Variants in MEGF6 observed in about 807,000 individuals in gnomAD.
MEGF6 encodes the protein multiple EGF like domains 6, also known as multiple epidermal growth factor-like domains protein 6.
In MEGF6, 184 loss-of-function variants were observed where a neutral mutation model predicts 207.1. The ratio of observed to expected loss-of-function variants is 0.89; its 90% CI spans 0.79 to 1.00. The LOEUF is 1.00. MEGF6 is among the 50% of genes least tolerant of loss of function. MEGF6 has a pLI of 0.00. For missense variants in MEGF6, 2,282 were observed against 2,202.9 expected (o/e 1.04, Z -0.72); for synonymous variants, 1,038 against 910.0 (o/e 1.14, Z -2.53).
intron 4 of MEGF6, among the ~76,000 whole-genome samples, chr1:3,526,206 G>A (rs867883881): frequency 6.6e-6 from 1 of 152,190 alleles, no homozygotes; most frequent in African/African-American, 2.4e-5. Context: ...CTTTGGAAGT[G>A]CCAGTAGTGC....
At chr1:3,526,352 C>T (rs1641962429) in intron 4 of MEGF6, among the ~76,000 whole-genome samples, 1 of 152,216 alleles carries the variant, frequency 6.6e-6, no homozygotes, top group African/African-American at 2.4e-5. Flanking sequence ...TGGGCATTGC[C>T]CCAGCCACCG....
At chr1:3,589,672 G>GT (rs1184131489) in intron 3 of MEGF6, among the ~76,000 whole-genome samples, 1 of 152,240 alleles carries the variant, frequency 6.6e-6, no homozygotes, top group Non-Finnish European at 1.5e-5. Flanking sequence ...GCAGGTGCAG[G>GT]TTTCTGCTCA....
At position 3,560,706 on chromosome 1, in the gene MEGF6, A is replaced by G. The variant is rs779030122; in HGVS notation, c.481+19119T>C. 5.5e-5 allele frequency: 25 copies of G among 456,318 alleles called. No homozygotes were observed. The highest frequency in any genetic ancestry group is 4.7e-4 in the African/African-American group (23 of 49,178). The allele number at this position is 456,318 out of a possible 1,614,324, so 28.3% of individuals were successfully genotyped here. On this transcript the variant is annotated intron_variant, in intron 4 of 36. Coordinates refer to ENST00000356575, the MANE Select transcript of MEGF6 (RefSeq NM_001409.4). This position sits in a 1 kb window ranked among gnomAD's most constrained non-coding sequence, Gnocchi z 4.0. ...CTCCCCATCTGTGGTTTCCAGGGCA[A>G]CCCTGGAAACCAAGAGTGGGTCGCC...
rs1457457553 is a variant in MEGF6 at position 3,507,880 on chromosome 1, G to T, written c.1704C>A (p.Cys568Ter). Residue 568 changes from cysteine to a stop codon, truncating the protein, a stop_gained, in exon 14 of 37, where the codon TGC becomes TGA. Coordinates refer to ENST00000356575, the MANE Select transcript of MEGF6 (RefSeq NM_001409.4). LOFTEE classifies it high-confidence loss of function. ...DTFGKNCSFS[C>*]SCQNGGTCDS... ...CGCAGGTCCCACCATTCTGACAGCT[G>T]CAGGAGAAGCTGCAGTTCTTCCCAA... The T allele has an allele frequency of 6.2e-7, 1 of 1,612,826 alleles. No individual in the cohort carries two copies. The highest frequency in any genetic ancestry group is 8.5e-7 in the Non-Finnish European group (1 of 1,179,950).
rs189412513 is a variant in MEGF6, at chr1:3,573,803, C to T, written c.481+6022G>A. On this transcript the variant is annotated intron_variant, in intron 4 of 36. Coordinates refer to ENST00000356575, the MANE Select transcript of MEGF6 (RefSeq NM_001409.4). This position sits in a 1 kb window ranked among gnomAD's most constrained non-coding sequence, Gnocchi z 5.1. ...CCCTGGGTGGCGTCTGGAGCTCGGG[C>T]GAGGGGTCAGACTCCCACCCTCAGA... Among the ~76,000 whole-genome samples, 33 of 152,252 alleles carry T rather than the reference C, an allele frequency of 2.2e-4. No homozygotes were observed. The highest frequency in any genetic ancestry group is 9.7e-4 in the East Asian group (5 of 5,170).
intron 5 of MEGF6, 146 bp from the exon 6 acceptor site, chr1:3,515,673 C>A: frequency 1.0e-6 from 1 of 977,524 alleles, no homozygotes; most frequent in Non-Finnish European, 1.5e-6. Flanking sequence ...TCCGCCTTTT[C>A]ATCTCCATCG....
the MEGF6 span, among the ~76,000 whole-genome samples, chr1:3,619,454 C>T: frequency 2.0e-5 from 3 of 151,998 alleles, no homozygotes; most frequent in Non-Finnish European, 2.9e-5. Flanking sequence ...GGCTGTATGC[C>T]CCCACCCAAA....
At chr1:3,511,825 G>C in intron 8 of MEGF6, 138 bp from the exon 9 acceptor site, 1 of 1,443,544 alleles carries the variant, frequency 6.9e-7, no homozygotes, top group Non-Finnish European at 9.3e-7. Context: ...GGAGCTCCCA[G>C]GCCTTGTTGG....
chr1:3,605,919 C>T (rs901271971), intron 1 of MEGF6, among the ~76,000 whole-genome samples: 25 of 152,232 alleles, frequency 1.6e-4, no homozygotes, highest in Admixed American at 9.2e-4. Context: ...CTTGGCTCCA[C>T]GGTGGCACCC....
intron 4 of MEGF6, among the ~76,000 whole-genome samples, chr1:3,574,426 G>A (rs1643587189): frequency 1.3e-5 from 2 of 152,244 alleles, no homozygotes; most frequent in South Asian, 4.1e-4. Context: ...CCAGCCCACA[G>A]GCCCACCTCC....
chr1:3,505,703 C>T (rs1641089667), intron 15 of MEGF6, 147 bp from the exon 16 acceptor site: 1 of 1,162,024 alleles, frequency 8.6e-7, no homozygotes, highest in Non-Finnish European at 1.2e-6. Context: ...GCCCACCGCC[C>T]CTTCCCTGAG....
chr1:3,593,924 A>G (rs1051833088), intron 3 of MEGF6, among the ~76,000 whole-genome samples: 18 of 152,264 alleles, frequency 1.2e-4, no homozygotes, highest in African/African-American at 4.3e-4. Context: ...CCTCTACTGG[A>G]AAAACATGGC....
intron 4 of MEGF6, among the ~76,000 whole-genome samples, chr1:3,541,608 C>T (rs997292680): frequency 6.6e-6 from 1 of 152,126 alleles, no homozygotes; most frequent in Non-Finnish European, 1.5e-5. Flanking sequence ...ACAGCTGGCC[C>T]GAGGGGGGCA....
intron 4 of MEGF6, among the ~76,000 whole-genome samples, chr1:3,552,566 AC>A (rs1324827719): frequency 5.3e-5 from 8 of 152,358 alleles, no homozygotes; most frequent in Non-Finnish European, 1.2e-4. Flanking sequence ...GTGGTGGCGC[AC>A]GCCTGTCATC....
At chr1:3,609,051 C>G (rs1193661605) in intron 1 of MEGF6, among the ~76,000 whole-genome samples, 1 of 152,206 alleles carries the variant, frequency 6.6e-6, no homozygotes, top group African/African-American at 2.4e-5. Flanking sequence ...CAGGAACACT[C>G]AGCCAGCGGG....
At position 3,495,958 on chromosome 1, in the gene MEGF6, G is replaced by A. The variant is rs376256783; in HGVS notation, c.3803C>T (p.Ala1268Val). The stretch of plus-strand genomic sequence containing the variant: ...GGTGCCGGTCACAGGGTCGCAGGCC[G>A]CCCCCTGCCCACACCCACACACGTG... ...CTHVCGCGQG[A>V]ACDPVTGTCL... Residue 1268 changes from alanine to valine, a missense_variant, in exon 30 of 37, where the codon GCG becomes GTG. Transcript: ENST00000356575. The A allele has an allele frequency of 5.7e-5, 90 of 1,583,930 alleles. No homozygotes were observed. The highest frequency in any genetic ancestry group is 4.5e-4 in the Admixed American group (26 of 58,074).
intron 5 of MEGF6, among the ~76,000 whole-genome samples, chr1:3,519,222 G>A (rs959302463): frequency 2.0e-5 from 3 of 152,342 alleles, no homozygotes; most frequent in Non-Finnish European, 4.4e-5. Context: ...TGGTCAGCTC[G>A]GCCCATGCTT....
chr1:3,539,583 G>A (rs1219866086), intron 4 of MEGF6, among the ~76,000 whole-genome samples: 2 of 152,194 alleles, frequency 1.3e-5, no homozygotes, highest in Non-Finnish European at 2.9e-5. Flanking sequence ...AGAGTTCACA[G>A]CCCCTGACTC....
Position 3,501,824 on chromosome 1 carries a change from C to G in MEGF6, c.2286G>C (p.Pro762=), listed in dbSNP as rs764351742. ...HGVTGQCRCP[P]GRTGEDCEAD... is the part of the protein sequence containing the mutation. ...CCTCACAGTCTTCCCCAGTCCTCCC[C>G]GGCGGACACCGGCACTGCCCCGTGA... Residue 762 remains proline, a synonymous_variant, in exon 18 of 37, where the codon CCG becomes CCC. Coordinates refer to ENST00000356575, the MANE Select transcript of MEGF6 (RefSeq NM_001409.4). The G allele has an allele frequency of 6.2e-7, 1 of 1,608,802 alleles. No individual in the cohort carries two copies. The highest frequency in any genetic ancestry group is 8.5e-7 in the Non-Finnish European group (1 of 1,178,602).
Sources: gnomAD v4.1 joint callset for allele counts (sites outside exome capture counted in the v4.1 genomes callset) on GRCh38, gnomAD v4.1.1 for gene constraint, Gnocchi (gnomAD v3.1) non-coding constraint, MANE v1.5 for transcripts, NCBI Gene and HGNC (gene_info 2026-07-23, HGNC 2026-07-21) for gene names.